Variants in EQTN observed in about 807,000 individuals in gnomAD.
EQTN encodes the protein Acrosome formation associated factor.
In EQTN, 29 loss-of-function variants were observed where a neutral mutation model predicts 26.9. The ratio of observed to expected loss-of-function variants is 1.08; its 90% CI spans 0.80 to 1.47. The LOEUF (loss-of-function observed/expected upper bound fraction) is 1.47, where lower values mean the gene tolerates loss of function less well. Ranked by LOEUF, EQTN falls within the 40% of genes most tolerant of loss-of-function variation. EQTN has a pLI of 0.00. For synonymous variants in EQTN, 129 were observed against 120.0 expected (o/e 1.07, Z -0.49); for missense variants, 391 against 346.1 (o/e 1.13, Z -1.03).
intron 7 of EQTN, 87 bp from the exon 8 acceptor site, chr9:27,285,059 T>TATACG (rs1159430358): frequency 8.0e-7 from 1 of 1,244,598 alleles, no homozygotes; most frequent in African/African-American, 1.5e-5. Context: ...AAAATTAAAA[T>TATACG]ATACGAATTT....
intron 4 of EQTN, among the ~76,000 whole-genome samples, chr9:27,291,768 T>C (rs763669774): frequency 1.3e-5 from 2 of 152,184 alleles, no homozygotes; most frequent in African/African-American, 2.4e-5. Context: ...AATAATTACA[T>C]TAGAAACATA....
chr9:27,294,444 CT>C (rs1332445201), intron 2 of EQTN, 42 bp from the exon 3 acceptor site: 15 of 1,226,200 alleles, frequency 1.2e-5, no homozygotes, highest in Admixed American at 4.0e-5. Flanking sequence ...AGCTAAGTCA[CT>C]TTTTTTCCTT....
Position 27,296,748 on chromosome 9 carries a change from A to G in EQTN, c.77-10T>C, listed in dbSNP as rs754143754. On this transcript the variant is annotated splice_polypyrimidine_tract_variant and intron_variant, in intron 1 of 7. Coordinates refer to ENST00000380032, the MANE Select transcript of EQTN (RefSeq NM_020641.3). ...AGCACATTAGGCAATGCTAAAAAAAAGTATCACACACCATAGATCAGAAAT... is the reference window on the plus strand; with the variant it reads ...AGCACATTAGGCAATGCTAAAAAAAGGTATCACACACCATAGATCAGAAAT... The G allele has an allele frequency of 1.9e-4, 311 of 1,600,688 alleles. No homozygotes were observed. Among genetic ancestry groups the G allele is most frequent in the Non-Finnish European group, 2.5e-4 (290 of 1,176,954 alleles).
At chr9:27,292,283 A>C in intron 4 of EQTN, 118 bp downstream of exon 4, 1 of 526,562 alleles carries the variant, frequency 1.9e-6, no homozygotes, top group Non-Finnish European at 3.3e-6. Flanking sequence ...AAAAGGTAGC[A>C]GTATAAATTC....
At chr9:27,292,556 T>C in intron 3 of EQTN, 69 bp from the exon 4 acceptor site, 1 of 843,236 alleles carries the variant, frequency 1.2e-6, no homozygotes, top group Non-Finnish European at 1.9e-6. Flanking sequence ...TAGATATTTT[T>C]TAATATCTAT....
In EQTN at chr9:27,296,679, C is replaced by T. The variant is rs868670673; in HGVS notation, c.136G>A (p.Asp46Asn). The change falls in exon 2 of 8, where the codon GAT becomes AAT. Residue 46 changes from aspartate (D) to asparagine (N), a missense_variant. Physicochemically the swap from Asp to Asn is conservative, Grantham distance 23. Transcript: ENST00000380032. The part of the protein sequence containing the change: ...DVNKQEEKNE[D>N]HTPNYAPANE... ...GCAGGAGCATAATTGGGAGTATGATCTTCATTCTTTTCTTCCTGCTTATTA... is the reference window on the plus strand; with the variant it reads ...GCAGGAGCATAATTGGGAGTATGATTTTCATTCTTTTCTTCCTGCTTATTA... The T allele has an allele frequency of 6.2e-7, 1 of 1,604,890 alleles. No homozygotes were observed. The highest frequency in any genetic ancestry group is 8.5e-7 in the Non-Finnish European group (1 of 1,174,158).
chr9:27,289,618 G>T, intron 6 of EQTN, 54 bp downstream of exon 6: 1 of 1,474,288 alleles, frequency 6.8e-7, no homozygotes, highest in Non-Finnish European at 9.3e-7. Flanking sequence ...CCAAAGTGCT[G>T]GGATTATAGG....
At chr9:27,295,705 G>A (rs985918030) in intron 2 of EQTN, among the ~76,000 whole-genome samples, 3 of 151,778 alleles carry the variant, frequency 2.0e-5, no homozygotes, top group Non-Finnish European at 2.9e-5. Context: ...GGTGGCGGGC[G>A]CCTGTAGTCC....
In EQTN at chr9:27,284,836, A is replaced by C. The variant is rs1462981844; in HGVS notation, c.772T>G (p.Ser258Ala). 8.1e-6 allele frequency: 13 copies of C among 1,613,968 alleles called. No homozygotes were observed. In the East Asian group the frequency reaches 2.9e-4, roughly 36 times the overall value. The change falls in exon 8 of 8, where the codon TCA becomes GCA. Residue 258 changes from serine (S) to alanine (A), a missense_variant. Transcript: ENST00000380032. ...CTTGTGCCTGATCTTCTCATATCTG[A>C]AGAAGTGGTACCCAAAAATGTGCTG... ...ESSTFLGTTSSDMRRSGTRTS... is the reference protein window; with the variant it reads ...ESSTFLGTTSADMRRSGTRTS...
intron 4 of EQTN, among the ~76,000 whole-genome samples, chr9:27,291,673 G>C (rs924383387): frequency 7.2e-5 from 11 of 151,920 alleles, no homozygotes; most frequent in African/African-American, 2.2e-4. Flanking sequence ...TTTAAGAAGG[G>C]GAATACCAGG....
chr9:27,292,025 T>C (rs1482921249), intron 4 of EQTN: 1 of 152,708 alleles, frequency 6.5e-6, no homozygotes, highest in African/African-American at 2.4e-5. Context: ...TAACCAGAGA[T>C]AAGTTTATTC....
chr9:27,292,823 C>T (rs531360194), intron 3 of EQTN, among the ~76,000 whole-genome samples: 7 of 152,244 alleles, frequency 4.6e-5, no homozygotes, highest in Admixed American at 3.9e-4. Flanking sequence ...CCTGCACAGG[C>T]GGTGAAATGA....
chr9:27,290,172 C>T (rs1348680179), intron 5 of EQTN, among the ~76,000 whole-genome samples: 2 of 152,146 alleles, frequency 1.3e-5, no homozygotes, highest in Admixed American at 6.5e-5. Context: ...TTTAACACTA[C>T]ATTTGGGGGC....
At chr9:27,290,961 T>G in intron 5 of EQTN, 58 bp downstream of exon 5, 1 of 1,492,396 alleles carries the variant, frequency 6.7e-7, no homozygotes, top group Non-Finnish European at 9.2e-7. Flanking sequence ...ATCTTAGCTC[T>G]AAGTAAGATT....
chr9:27,287,341 A>G (rs933621510), intron 6 of EQTN, among the ~76,000 whole-genome samples: 10 of 152,200 alleles, frequency 6.6e-5, no homozygotes, highest in Non-Finnish European at 1.2e-4. Flanking sequence ...GAGGCCTGTT[A>G]TTTTGGGAAT....
chr9:27,287,208 T>C (rs1177643170), intron 6 of EQTN, among the ~76,000 whole-genome samples: 3 of 152,306 alleles, frequency 2.0e-5, no homozygotes, highest in Non-Finnish European at 4.4e-5. Flanking sequence ...TAATGATATT[T>C]AGGTGATAAG....
At chr9:27,286,188 T>G (rs761666740) in intron 7 of EQTN, 21 bp downstream of exon 7, 9 of 1,611,244 alleles carry the variant, frequency 5.6e-6, no homozygotes, top group Non-Finnish European at 3.4e-6. Context: ...TTGTAAAGAC[T>G]GCAGAGGTCT....
rs1820086570 is a variant in EQTN at position 27,284,947 on chromosome 9, A to G, written c.661T>C (p.Ser221Pro). ...ATCGTGGCCAGCTCTGGGTTGACAG[A>G]GTACTGACTCTCACAACTTTTATAA... ...LSYKSCESQYSVNPELATMSY... is the reference protein window; with the variant it reads ...LSYKSCESQYPVNPELATMSY... The change falls in exon 8 of 8, where the codon TCT becomes CCT. Residue 221 changes from serine to proline, a missense_variant. Coordinates refer to ENST00000380032, the MANE Select transcript of EQTN (RefSeq NM_020641.3). 1 of 1,613,452 alleles carries G rather than the reference A, an allele frequency of 6.2e-7. No homozygotes were observed. The highest frequency in any genetic ancestry group is 8.5e-7 in the Non-Finnish European group (1 of 1,179,822).
In EQTN at chr9:27,289,713, A is replaced by G. The variant is rs752862310; in HGVS notation, c.440T>C (p.Val147Ala). The G allele has an allele frequency of 2.5e-6, 4 of 1,606,030 alleles. No individual in the cohort carries two copies. The South Asian group carries it at 4.5e-5, about 18-fold the overall frequency. ...MLAKAINGTA[V>A]VMDDKDQLFH... The stretch of plus-strand genomic sequence containing the variant: ...TAATTGATCTTTATCATCCATGACC[A>G]CTGCTGTTCCATTTATAGCTGTTAA... The change falls in exon 6 of 8, where the codon GTG becomes GCG. Residue 147 changes from valine to alanine, a missense_variant. Coordinates refer to ENST00000380032, the MANE Select transcript of EQTN (RefSeq NM_020641.3).
Sources: allele counts gnomAD v4.1 joint callset (sites outside exome capture counted in the v4.1 genomes callset), GRCh38; gene constraint gnomAD v4.1.1; transcripts MANE v1.5; gene names NCBI Gene and HGNC (gene_info 2026-07-23, HGNC 2026-07-21).